CDH9: variants seen among roughly 807,000 people sequenced by gnomAD.
CDH9 encodes the protein cadherin 9, also known as cadherin-9.
CDH9 carries 28 observed loss-of-function variants against 70.9 expected under a neutral mutation model. That is an observed-to-expected ratio of 0.40 (90% CI 0.29 to 0.54). The LOEUF (loss-of-function observed/expected upper bound fraction) is 0.54. Among genes scored for constraint, CDH9 ranks in the 20% least tolerant of loss-of-function variants. The pLI is 0.59. For synonymous variants in CDH9, 409 were observed against 343.1 expected (o/e 1.19, Z -2.12); for missense variants, 874 against 984.4 (o/e 0.89, Z 1.50).
chr5:26,933,642 C>T (rs761830112), intron 2 of CDH9, among the ~76,000 whole-genome samples: 17 of 151,850 alleles, frequency 1.1e-4, no homozygotes, highest in African/African-American at 1.9e-4. Context: ...GGCGTGGTGG[C>T]GCGCATCTGT....
intron 2 of CDH9, among the ~76,000 whole-genome samples, chr5:26,955,181 C>A (rs1741925588): frequency 6.6e-6 from 1 of 152,186 alleles, no homozygotes; most frequent in African/African-American, 2.4e-5. Context: ...TTGGACCCCA[C>A]TATCTGAAAT....
chr5:26,948,810 G>A (rs1741797248), intron 2 of CDH9, among the ~76,000 whole-genome samples: 2 of 152,158 alleles, frequency 1.3e-5, no homozygotes, highest in African/African-American at 4.8e-5. Flanking sequence ...TATATCTATG[G>A]ATTGGCTTAA....
At chr5:26,890,055 G>T (rs2111972628) in intron 8 of CDH9, 98 bp from the exon 9 acceptor site, 1 of 1,107,792 alleles carries the variant, frequency 9.0e-7, no homozygotes, top group Non-Finnish European at 1.3e-6. Context: ...TTTTTGTGGT[G>T]TTCACTTTCT....
intron 2 of CDH9, among the ~76,000 whole-genome samples, chr5:26,931,064 CT>C (rs1185439213): frequency 6.6e-6 from 1 of 152,134 alleles, no homozygotes; most frequent in Non-Finnish European, 1.5e-5. Flanking sequence ...ATTACCTGTA[CT>C]TGAGCTCTCA....
chr5:27,018,621 T>G (rs1257007589), intron 1 of CDH9, among the ~76,000 whole-genome samples: 1 of 151,974 alleles, frequency 6.6e-6, no homozygotes, highest in Non-Finnish European at 1.5e-5. Flanking sequence ...ATATTAAGCA[T>G]TCCCTTTAAT....
intron 1 of CDH9, among the ~76,000 whole-genome samples, chr5:27,016,925 G>T (rs928260533): frequency 6.6e-6 from 1 of 151,744 alleles, no homozygotes; most frequent in Non-Finnish European, 1.5e-5. Flanking sequence ...TCTGAAATCC[G>T]GAGTGTTAAC....
chr5:26,906,619 T>G, intron 4 of CDH9, 100 bp downstream of exon 4: 1 of 1,427,686 alleles, frequency 7.0e-7, no homozygotes. Flanking sequence ...AACATGAAAC[T>G]GAAAGAATAA....
chr5:26,916,169 C>T (rs1380315283), intron 2 of CDH9, among the ~76,000 whole-genome samples: 1 of 151,888 alleles, frequency 6.6e-6, no homozygotes, highest in Non-Finnish European at 1.5e-5. Context: ...TAATATGTAT[C>T]TGTCAAAACA....
intron 2 of CDH9, among the ~76,000 whole-genome samples, chr5:26,981,374 A>C (rs1742396438): frequency 6.6e-6 from 1 of 152,070 alleles, no homozygotes; most frequent in Admixed American, 6.6e-5. Flanking sequence ...TACCCTCTAA[A>C]TGCAATGTAA....
chr5:26,887,365 A>T (rs112350156), intron 9 of CDH9, among the ~76,000 whole-genome samples: 1,832 of 151,660 alleles, frequency 0.012, 41 homozygotes, highest in African/African-American at 0.042. Flanking sequence ...AAATTATTAG[A>T]TGAGCTTTGT....
intron 1 of CDH9, among the ~76,000 whole-genome samples, chr5:27,001,589 ATG>A (rs1742768857): frequency 6.6e-6 from 1 of 152,102 alleles, no homozygotes; most frequent in Non-Finnish European, 1.5e-5. Flanking sequence ...ATTTATAGAT[ATG>A]TATATTTACA....
At chr5:27,034,254 A>G (rs1485733263) in intron 1 of CDH9, among the ~76,000 whole-genome samples, 1 of 151,718 alleles carries the variant, frequency 6.6e-6, no homozygotes, top group Non-Finnish European at 1.5e-5. Context: ...AATTAAAATG[A>G]AGTCATCTAT....
At chr5:27,013,747 G>T (rs1450585464) in intron 1 of CDH9, among the ~76,000 whole-genome samples, 1 of 151,826 alleles carries the variant, frequency 6.6e-6, no homozygotes, top group African/African-American at 2.4e-5. Flanking sequence ...AGATTTCAAG[G>T]CTCTGTCTTA....
chr5:27,009,403 A>T (rs896452778), intron 1 of CDH9, among the ~76,000 whole-genome samples: 3 of 152,174 alleles, frequency 2.0e-5, no homozygotes, highest in African/African-American at 7.2e-5. Flanking sequence ...TTTACCTCTA[A>T]AAGGAGAAGA....
chr5:27,009,844 A>T (rs1742927282), intron 1 of CDH9, among the ~76,000 whole-genome samples: 1 of 152,084 alleles, frequency 6.6e-6, no homozygotes. Context: ...CTTTTTAAGC[A>T]TACTTCTTAG....
intron 1 of CDH9, among the ~76,000 whole-genome samples, chr5:26,988,711 A>G (rs1742530778): frequency 6.6e-6 from 1 of 152,052 alleles, no homozygotes; most frequent in South Asian, 2.1e-4. Flanking sequence ...ATCACAGCAA[A>G]TGTTCCATAG....
chr5:27,004,678 A>G (rs1333937684), intron 1 of CDH9, among the ~76,000 whole-genome samples: 1 of 152,140 alleles, frequency 6.6e-6, no homozygotes, highest in African/African-American at 2.4e-5. Flanking sequence ...CTAATGAGAG[A>G]CACATGAGAT....
chr5:26,938,226 G>C lies in CDH9; in HGVS notation c.229-22302C>G, dbSNP rs143258990. ...AAAATCAATGTAAAAAAGTGAAAAA[G>C]CCATAGGCTGGAATAAAATATTTAG... On this transcript the variant is annotated intron_variant, in intron 2 of 11. Transcript: ENST00000231021. 3.3e-3 allele frequency among the ~76,000 whole-genome samples: 493 copies of C among 150,964 alleles called. 2 individuals are homozygous for C. The highest frequency in any genetic ancestry group is 0.011 in the African/African-American group (466 of 41,260).
chr5:26,984,714 C>G lies in CDH9; in HGVS notation c.228+3392G>C, dbSNP rs150593362. 3.7e-3 allele frequency among the ~76,000 whole-genome samples: 559 copies of G among 152,164 alleles called. 3 individuals carry two copies. Among genetic ancestry groups the G allele is most frequent in the Non-Finnish European group, 5.9e-3 (401 of 67,940 alleles). On this transcript the variant is annotated intron_variant, in intron 2 of 11. Coordinates refer to ENST00000231021, the MANE Select transcript of CDH9 (RefSeq NM_016279.4). ...CTAAATAATTCAGTCACAAGTGTCTCTTCAAGTTATAGAGAAGCTAGATGA... is the reference window on the plus strand; with the variant it reads ...CTAAATAATTCAGTCACAAGTGTCTGTTCAAGTTATAGAGAAGCTAGATGA...
Sources: allele counts gnomAD v4.1 joint callset (sites outside exome capture counted in the v4.1 genomes callset), GRCh38; gene constraint gnomAD v4.1.1; transcripts MANE v1.5; gene names NCBI Gene and HGNC (gene_info 2026-07-23, HGNC 2026-07-21).